Variants in GCC2 observed in about 807,000 individuals in gnomAD.
The protein encoded by GCC2 is GRIP and coiled-coil domain containing 2, also known as GRIP and coiled-coil domain-containing protein 2.
In GCC2, 120 loss-of-function variants were observed where a neutral mutation model predicts 210.6. That is an observed-to-expected ratio of 0.57 (90% CI 0.49 to 0.66). The LOEUF is 0.66. Ranked by LOEUF, GCC2 falls within the 30% of genes least tolerant of loss-of-function variation. GCC2 has a pLI of 0.00. For missense variants in GCC2, 1,868 were observed against 1,871.9 expected, an observed-to-expected ratio of 1.00 and a Z score of 0.04; for synonymous variants, 703 against 652.7, an observed-to-expected ratio of 1.08 and a Z score of -1.17.
At chr2:108,479,971 A>G (rs1190603737) in intron 9 of GCC2, among the ~76,000 whole-genome samples, 1 of 129,226 alleles carries the variant, frequency 7.7e-6, no homozygotes, top group Non-Finnish European at 1.6e-5. Flanking sequence ...ACAGAGCGAG[A>G]CTCCATCTCA....
chr2:108,453,567 T>C (rs1680076549), intron 4 of GCC2, among the ~76,000 whole-genome samples: 1 of 152,094 alleles, frequency 6.6e-6, no homozygotes, highest in Admixed American at 6.6e-5. Context: ...GGAGGATCAC[T>C]TGAGGTCAGG....
chr2:108,466,886 T>A (rs1259409333), intron 4 of GCC2, among the ~76,000 whole-genome samples: 1 of 152,250 alleles, frequency 6.6e-6, no homozygotes. Flanking sequence ...AATAACTTTT[T>A]CAACCTTAAT....
At chr2:108,492,144 T>G (rs1437309992) in intron 18 of GCC2, among the ~76,000 whole-genome samples, 3 of 151,590 alleles carry the variant, frequency 2.0e-5, no homozygotes, top group African/African-American at 4.8e-5. Flanking sequence ...GTGTGGGGTT[T>G]TTTTTTTTTT....
chr2:108,471,975 T>G lies in GCC2; in HGVS notation c.2646T>G (p.Val882=). The change falls in exon 6 of 23, where the codon GTT becomes GTG. Residue 882 remains valine (V), a synonymous_variant. Transcript: ENST00000309863. ...AAAATCAGAATCTTTTAATTCAAGT[T>G]GAAGAAGTATCTCAAACATGTAGCA... ...RLENQNLLIQ[V]EEVSQTCSKS... is the part of the protein sequence containing the mutation. 3 of 1,604,086 alleles carry G rather than the reference T, an allele frequency of 1.9e-6. No homozygotes were observed. The highest frequency in any genetic ancestry group is 2.5e-6 in the Non-Finnish European group (3 of 1,177,364).
intron 16 of GCC2, 128 bp from the exon 17 acceptor site, chr2:108,487,571 C>T: frequency 1.1e-6 from 1 of 882,040 alleles, no homozygotes; most frequent in South Asian, 1.8e-5. Flanking sequence ...AATCAAGAAA[C>T]CAAAAAGAAT....
At chr2:108,457,304 G>A (rs1680325060) in intron 4 of GCC2, among the ~76,000 whole-genome samples, 1 of 152,138 alleles carries the variant, frequency 6.6e-6, no homozygotes, top group South Asian at 2.1e-4. Context: ...GTATAAATAT[G>A]AGGATTTATT....
chr2:108,458,825 A>G (rs1341817685), intron 4 of GCC2, among the ~76,000 whole-genome samples: 1 of 151,960 alleles, frequency 6.6e-6, no homozygotes, highest in East Asian at 1.9e-4. Context: ...TGTTAGCCTA[A>G]CTAGTAGTTT....
rs540329572 is a variant in GCC2, at chr2:108,468,880, T to C, written c.217-100T>C. On this transcript the variant is annotated intron_variant, in intron 4 of 22. Transcript: ENST00000309863. The stretch of plus-strand genomic sequence containing the variant: ...GTGTTCTACCTTTTAAAATCTCTTA[T>C]TCTCACTTCAGTGTGTTTTGAAAAG... 151 of 730,532 alleles carry C rather than the reference T, an allele frequency of 2.1e-4. 4 individuals carry two copies. Among genetic ancestry groups the C allele is most frequent in the South Asian group, 1.6e-3 (98 of 60,616 alleles). 45.3% of individuals were successfully genotyped at this position (730,532 alleles called of 1,614,324 possible).
chr2:108,480,253 AAAAT>A (rs1441499846), intron 9 of GCC2, among the ~76,000 whole-genome samples: 1 of 152,208 alleles, frequency 6.6e-6, no homozygotes, highest in Non-Finnish European at 1.5e-5. Context: ...AAAAGTCAAA[AAAAT>A]AACAGGTGCT....
intron 22 of GCC2, among the ~76,000 whole-genome samples, chr2:108,502,077 A>G (rs547235540): frequency 6.6e-5 from 10 of 152,188 alleles, no homozygotes; most frequent in Non-Finnish European, 1.3e-4. Flanking sequence ...TAATTTTATG[A>G]TTATAAAAAA....
In GCC2 at chr2:108,472,013, A is replaced by T. The variant is rs916608229; in HGVS notation, c.2684A>T (p.His895Leu). The change falls in exon 6 of 23, where the codon CAT becomes CTT. Residue 895 changes from histidine to leucine, a missense_variant. Coordinates refer to ENST00000309863, the MANE Select transcript of GCC2 (RefSeq NM_181453.4). ...VSQTCSKSEI[H>L]NEKEKCFIKE... ...CAAACATGTAGCAAAAGTGAAATCC[A>T]TAATGAAAAAGAAAAATGTTTTATA... The T allele has an allele frequency of 1.3e-6, 2 of 1,596,904 alleles. No homozygotes were observed. Among genetic ancestry groups the T allele is most frequent in the Admixed American group, 1.8e-5 (1 of 55,692 alleles).
intron 4 of GCC2, among the ~76,000 whole-genome samples, chr2:108,459,310 T>TGATTTCTAATATTCCATTGTAGTTC (rs1198121553): frequency 6.6e-6 from 1 of 152,208 alleles, no homozygotes; most frequent in Non-Finnish European, 1.5e-5. Context: ...CCCTTGATAC[T>TGATTTCTAATATTCCATTGTAGTTC]GATTTCTAAT....
intron 22 of GCC2, among the ~76,000 whole-genome samples, chr2:108,506,740 TATC>T (rs1195085029): frequency 2.6e-5 from 4 of 152,356 alleles, no homozygotes; most frequent in Middle Eastern, 3.4e-3. Flanking sequence ...TAAATCCTCT[TATC>T]GTCAACAATA....
chr2:108,480,485 G>A (rs1310179347), intron 9 of GCC2, among the ~76,000 whole-genome samples: 1 of 152,134 alleles, frequency 6.6e-6, no homozygotes, highest in Non-Finnish European at 1.5e-5. Context: ...TGATAGCAAA[G>A]ACGTGGAATC....
intron 17 of GCC2, among the ~76,000 whole-genome samples, chr2:108,489,404 A>G (rs1215634874): frequency 1.3e-5 from 2 of 151,978 alleles, no homozygotes; most frequent in East Asian, 1.9e-4. Flanking sequence ...AGTCCTAGCT[A>G]CTTGGGAGGC....
chr2:108,486,100 T>C (rs1407924359), intron 15 of GCC2, among the ~76,000 whole-genome samples, 192 bp downstream of exon 15: 3 of 152,188 alleles, frequency 2.0e-5, no homozygotes, highest in African/African-American at 7.2e-5. Context: ...ATTATTTTCA[T>C]GTATTTGGAA....
chr2:108,506,944 A>G (rs1683222202), intron 22 of GCC2, among the ~76,000 whole-genome samples: 1 of 152,184 alleles, frequency 6.6e-6, no homozygotes, highest in East Asian at 1.9e-4. Context: ...TCATAGCTGG[A>G]TTTCTTTAAT....
Position 108,497,023 on chromosome 2 carries a change from A to G in GCC2, c.4696A>G (p.Ser1566Gly). 2 of 1,612,066 alleles carry G rather than the reference A, an allele frequency of 1.2e-6. No homozygotes were observed. The highest frequency in any genetic ancestry group is 1.7e-6 in the Non-Finnish European group (2 of 1,179,866). ...FTKEELVQKLSSTTKSADHLN... is the reference protein window; with the variant it reads ...FTKEELVQKLGSTTKSADHLN... The stretch of plus-strand genomic sequence containing the variant: ...CAAAGAAGAATTGGTTCAGAAGCTC[A>G]GTTCCACCACAAAAAGTGCAGATCA... Residue 1566 changes from serine to glycine, a missense_variant, in exon 21 of 23, where the codon AGT becomes GGT. Ser to Gly is a moderately conservative substitution (Grantham distance 56, BLOSUM62 0). Transcript: ENST00000309863.
Position 108,469,658 on chromosome 2 carries a change from T to A in GCC2, c.329T>A (p.Val110Glu), listed in dbSNP as rs766165187. 4 of 1,579,654 alleles carry A rather than the reference T, an allele frequency of 2.5e-6. No individual in the cohort carries two copies. Among genetic ancestry groups the A allele is most frequent in the Non-Finnish European group, 3.4e-6 (4 of 1,166,614 alleles). ...IKMKQEVEDS[V>E]TKMGDAHKEL... ...GCTTATTTTTTGTAATAGGATTCTG[T>A]AACAAAGATGGGAGATGCACATAAG... Residue 110 changes from valine to glutamate, a missense_variant, in exon 6 of 23, where the codon GTA becomes GAA. Coordinates refer to ENST00000309863, the MANE Select transcript of GCC2 (RefSeq NM_181453.4).
Sources: gnomAD v4.1 joint callset for allele counts (sites outside exome capture counted in the v4.1 genomes callset) on GRCh38, gnomAD v4.1.1 for gene constraint, MANE v1.5 for transcripts, NCBI Gene and HGNC (gene_info 2026-07-23, HGNC 2026-07-21) for gene names.